Variants in CACNA1D observed in about 807,000 individuals in gnomAD.
CACNA1D encodes the protein calcium voltage-gated channel subunit alpha1 D, also known as voltage-dependent L-type calcium channel subunit alpha-1D.
Under a neutral mutation model 257.1 loss-of-function variants are expected in CACNA1D, and 55 were observed. That is an observed-to-expected ratio of 0.21 (90% confidence interval 0.17 to 0.27). The LOEUF (loss-of-function observed/expected upper bound fraction) is 0.27. CACNA1D is among the 10% of genes least tolerant of loss of function. The probability of loss-of-function intolerance (pLI) is 1.00; values close to 1 mark genes in which losing one functional copy is unlikely to be tolerated. For synonymous variants in CACNA1D, 980 were observed against 1,014.9 expected (o/e 0.97, Z 0.65); for missense variants, 1,876 against 2,784.0 (o/e 0.67, Z 7.34).
intron 8 of CACNA1D, among the ~76,000 whole-genome samples, chr3:53,675,405 A>G (rs1423136248): frequency 1.3e-5 from 2 of 152,238 alleles, no homozygotes; most frequent in Non-Finnish European, 2.9e-5. Context: ...TACAAGGTTA[A>G]CAGCAATCCT....
chr3:53,632,834 C>T (rs1014043259), intron 3 of CACNA1D, among the ~76,000 whole-genome samples: 4 of 152,110 alleles, frequency 2.6e-5, no homozygotes, highest in Non-Finnish European at 4.4e-5. Flanking sequence ...CTTCTATGGG[C>T]GCAGTTTGTG....
intron 3 of CACNA1D, among the ~76,000 whole-genome samples, chr3:53,622,598 A>C (rs1469651940): frequency 6.6e-6 from 1 of 152,108 alleles, no homozygotes; most frequent in African/African-American, 2.4e-5. Flanking sequence ...AGAGGGCAAC[A>C]ACACACACTG....
chr3:53,795,889 T>C (rs929318187), intron 40 of CACNA1D, among the ~76,000 whole-genome samples: 9 of 151,760 alleles, frequency 5.9e-5, no homozygotes, highest in African/African-American at 2.2e-4. Flanking sequence ...CTTGTGGGGG[T>C]CATGTTACCC....
chr3:53,607,310 G>T (rs2093523981), intron 3 of CACNA1D, among the ~76,000 whole-genome samples: 2 of 152,238 alleles, frequency 1.3e-5, no homozygotes, highest in Non-Finnish European at 2.9e-5. Flanking sequence ...TGACTGTGCA[G>T]ATGGAATTAA....
At position 53,786,928 on chromosome 3, in the gene CACNA1D, G is replaced by C. The variant is rs752608965; in HGVS notation, c.4899G>C (p.Ala1633=). ...AAGGACTGGTGGGAAAGTACCCTGC[G>C]AAGAACACCACAATTGCCCTACAGG... is the stretch of plus-strand genomic sequence containing the variant. ...KEQGLVGKYP[A]KNTTIALQAG... Residue 1633 remains alanine, a synonymous_variant, in exon 40 of 48, where the codon GCG becomes GCC. Transcript: ENST00000350061. 6.2e-7 allele frequency: 1 copy of C among 1,614,078 alleles called. No homozygotes were observed. Among genetic ancestry groups the C allele is most frequent in the South Asian group, 1.1e-5 (1 of 91,080 alleles).
intron 44 of CACNA1D, among the ~76,000 whole-genome samples, chr3:53,803,834 G>A (rs2095548408): frequency 6.6e-6 from 1 of 152,238 alleles, no homozygotes; most frequent in Non-Finnish European, 1.5e-5. Flanking sequence ...GGAAATGGGA[G>A]ATGGGCCTGC....
intron 3 of CACNA1D, among the ~76,000 whole-genome samples, chr3:53,516,555 G>A (rs904868919): frequency 5.9e-5 from 9 of 152,246 alleles, no homozygotes; most frequent in African/African-American, 1.7e-4. Context: ...CTCCTGCTGA[G>A]ACGCTGAGGT....
Position 53,718,293 on chromosome 3 carries a change from C to T in CACNA1D, c.1391-8C>T. The T allele has an allele frequency of 6.2e-7, 1 of 1,613,136 alleles. No homozygotes were observed. The highest frequency in any genetic ancestry group is 8.5e-7 in the Non-Finnish European group (1 of 1,179,194). ...GCATGCTCTCTGAAGCCCGTCTTCT[C>T]CCCACAGCTAGCATGCCCACCAGCG... On this transcript the variant is annotated splice_polypyrimidine_tract_variant and splice_region_variant and intron_variant, in intron 9 of 47. Coordinates refer to ENST00000350061, the MANE Select transcript of CACNA1D (RefSeq NM_001128840.3).
At chr3:53,653,676 G>T (rs2094120381) in intron 4 of CACNA1D, among the ~76,000 whole-genome samples, 1 of 151,966 alleles carries the variant, frequency 6.6e-6, no homozygotes, top group South Asian at 2.1e-4. Context: ...AGGAGAAAAT[G>T]AATACTGCCT....
In CACNA1D at chr3:53,732,818, GGGAAGA is replaced by G. The variant is rs28969543; in HGVS notation, c.2493_2498del (p.Glu833_Glu834del). Reference sequence around the variant, plus strand: ...AAAAAAAGTATTTCATTTAAAGTAGGGGAAGAGGAAGAGGAAGAGGAGGAGGATGAA... The same window carrying G: ...AAAAAAAGTATTTCATTTAAAGTAGGGGAAGAGGAAGAGGAGGAGGATGAA... On this transcript the variant is annotated inframe_deletion, in exon 19 of 48. Transcript: ENST00000350061. 21 of 1,612,414 alleles carry G rather than the reference GGGAAGA, an allele frequency of 1.3e-5. No homozygotes were observed. The highest frequency in any genetic ancestry group is 4.5e-5 in the East Asian group (2 of 44,890).
chr3:53,714,910 G>A (rs2094802556), intron 9 of CACNA1D, among the ~76,000 whole-genome samples: 1 of 151,578 alleles, frequency 6.6e-6, no homozygotes. Context: ...GGAAGGGAAA[G>A]TCATATTAAT....
In CACNA1D at chr3:53,702,668, A is replaced by G. The variant is rs755035309; in HGVS notation, c.1248A>G (p.Ala416=). The change falls in exon 9 of 48, where the codon GCA becomes GCG. Residue 416 remains alanine (A), a synonymous_variant. Transcript: ENST00000350061. The part of the protein sequence containing the change: ...SGEFSKEREK[A]KARGDFQKLR... ...AATTCTCAAAGGAAAGAGAGAAGGC[A>G]AAAGCACGGGGAGATTTCCAGAAGC... 6.8e-6 allele frequency: 11 copies of G among 1,614,034 alleles called. No homozygotes were observed. The Middle Eastern group carries it at 1.7e-3, about 244-fold the overall frequency.
chr3:53,763,391 CCTT>C, intron 30 of CACNA1D, among the ~76,000 whole-genome samples: 1 of 152,348 alleles, frequency 6.6e-6, no homozygotes, highest in East Asian at 1.9e-4. Flanking sequence ...GGGAGCCCCT[CCTT>C]CTGCCTGGCT....
chr3:53,511,357 C>T (rs1043496064), intron 3 of CACNA1D, among the ~76,000 whole-genome samples: 3 of 152,050 alleles, frequency 2.0e-5, no homozygotes, highest in Admixed American at 6.6e-5. Flanking sequence ...GCAGCGGCGG[C>T]GAAAAAGAGT....
chr3:53,555,462 T>TGTGTG (rs1448053839), intron 3 of CACNA1D, among the ~76,000 whole-genome samples: 17 of 97,794 alleles, frequency 1.7e-4, no homozygotes, highest in African/African-American at 6.5e-4. Context: ...GTGTGTGTGT[T>TGTGTG]TTTTTTTTTT....
chr3:53,612,432 G>T (rs1451419803), intron 3 of CACNA1D, among the ~76,000 whole-genome samples: 4 of 152,144 alleles, frequency 2.6e-5, no homozygotes, highest in African/African-American at 9.7e-5. Context: ...ACCTTTTAGG[G>T]TCTCTGCCTA....
intron 30 of CACNA1D, among the ~76,000 whole-genome samples, chr3:53,768,375 A>G (rs1023746342): frequency 3.3e-5 from 5 of 152,252 alleles, no homozygotes; most frequent in Admixed American, 6.5e-5. Context: ...CTTAGCATGC[A>G]CACTCACACC....
At chr3:53,607,526 G>A (rs1310771242) in intron 3 of CACNA1D, among the ~76,000 whole-genome samples, 1 of 152,236 alleles carries the variant, frequency 6.6e-6, no homozygotes, top group Non-Finnish European at 1.5e-5. Context: ...AGGCATTGCT[G>A]ATGTCTTCTA....
chr3:53,779,521 T>C (rs1407406305), intron 37 of CACNA1D, among the ~76,000 whole-genome samples: 1 of 152,160 alleles, frequency 6.6e-6, no homozygotes, highest in African/African-American at 2.4e-5. Flanking sequence ...GGAAGCCCCA[T>C]GGTCTGCCAT....
Sources: gnomAD v4.1 joint callset for allele counts (sites outside exome capture counted in the v4.1 genomes callset) on GRCh38, gnomAD v4.1.1 for gene constraint, MANE v1.5 for transcripts, NCBI Gene and HGNC (gene_info 2026-07-23, HGNC 2026-07-21) for gene names.